Variants in SHC4 observed in about 807,000 individuals in gnomAD.
SHC4 encodes the protein SHC-transforming protein 4.
A neutral mutation model predicts 69.4 loss-of-function variants in SHC4; 41 were observed. The ratio of observed to expected loss-of-function variants is 0.59; its 90% CI spans 0.46 to 0.77. SHC4 has a LOEUF of 0.77. Ranked by LOEUF, SHC4 falls within the 30% of genes least tolerant of loss-of-function variation. The probability of loss-of-function intolerance (pLI) is 0.00; values close to 1 mark genes in which losing one functional copy is unlikely to be tolerated. For missense variants in SHC4, 777 were observed against 783.8 expected, an observed-to-expected ratio of 0.99 and a Z score of 0.10; for synonymous variants, 318 against 299.3, an observed-to-expected ratio of 1.06 and a Z score of -0.64.
intron 1 of SHC4, among the ~76,000 whole-genome samples, chr15:48,943,917 G>C (rs565171302): frequency 6.6e-6 from 1 of 152,112 alleles, no homozygotes; most frequent in Non-Finnish European, 1.5e-5. Context: ...TTCCAGGGAA[G>C]CTGAGAAATG....
chr15:48,878,797 T>C, intron 4 of SHC4: 1 of 1,490,496 alleles, frequency 6.7e-7, no homozygotes. Flanking sequence ...CTTTCCGCTA[T>C]CTTTTGGGTT....
intron 11 of SHC4, among the ~76,000 whole-genome samples, chr15:48,833,192 C>T (rs1037847639): frequency 6.6e-6 from 1 of 152,290 alleles, no homozygotes; most frequent in African/African-American, 2.4e-5. Context: ...ATCACACCAA[C>T]CAGCCCAAAT....
At chr15:48,849,535 G>A (rs1899166618) in intron 9 of SHC4, among the ~76,000 whole-genome samples, 1 of 152,166 alleles carries the variant, frequency 6.6e-6, no homozygotes, top group African/African-American at 2.4e-5. Flanking sequence ...CCTGACCCAT[G>A]GGAAGTCTTC....
At chr15:48,951,853 C>A (rs1273224536) in intron 1 of SHC4, among the ~76,000 whole-genome samples, 1 of 152,194 alleles carries the variant, frequency 6.6e-6, no homozygotes, top group Non-Finnish European at 1.5e-5. Context: ...TATAACCTAA[C>A]ATTTATTACA....
At chr15:48,901,294 C>G (rs760580670) in intron 2 of SHC4, among the ~76,000 whole-genome samples, 24 of 152,160 alleles carry the variant, frequency 1.6e-4, no homozygotes, top group African/African-American at 5.3e-4. Context: ...CAGTTATTAG[C>G]TTGTGCATGG....
chr15:48,961,877 C>G (rs1182483636), intron 1 of SHC4, among the ~76,000 whole-genome samples: 2 of 152,162 alleles, frequency 1.3e-5, no homozygotes, highest in Non-Finnish European at 2.9e-5. Flanking sequence ...TAAATGTGCA[C>G]CGGAGAGCTA....
chr15:48,911,012 A>G (rs906074092), intron 2 of SHC4, among the ~76,000 whole-genome samples: 5 of 152,090 alleles, frequency 3.3e-5, no homozygotes, highest in African/African-American at 1.2e-4. Context: ...AGAAAATTCC[A>G]TGTGCTGTTG....
At chr15:48,873,011 C>A (rs536692481) in intron 4 of SHC4, among the ~76,000 whole-genome samples, 6 of 152,234 alleles carry the variant, frequency 3.9e-5, no homozygotes, top group African/African-American at 1.4e-4. Context: ...AGACGTATAT[C>A]CAACACAATT....
chr15:48,955,249 C>T (rs1382572554), intron 1 of SHC4, among the ~76,000 whole-genome samples: 1 of 152,174 alleles, frequency 6.6e-6, no homozygotes, highest in Non-Finnish European at 1.5e-5. Context: ...AATGTCTTCA[C>T]ATTCCAATAC....
At chr15:48,884,722 A>C (rs1051788473) in intron 3 of SHC4, among the ~76,000 whole-genome samples, 2 of 152,142 alleles carry the variant, frequency 1.3e-5, no homozygotes, top group African/African-American at 4.8e-5. Context: ...AAAAAAGAAA[A>C]ATTTGACAAT....
intron 1 of SHC4, among the ~76,000 whole-genome samples, chr15:48,961,806 T>C (rs944762371): frequency 1.3e-5 from 2 of 152,214 alleles, no homozygotes; most frequent in African/African-American, 4.8e-5. Context: ...AGTAAGGACC[T>C]TGATTTTGCC....
At chr15:48,854,992 C>T (rs7172098) in intron 8 of SHC4, among the ~76,000 whole-genome samples, 24,862 of 151,934 alleles carry the variant, frequency 0.16, 2,320 homozygotes, top group East Asian at 0.29. Flanking sequence ...TACACATGTA[C>T]ACAAAGAAGT....
intron 10 of SHC4, among the ~76,000 whole-genome samples, chr15:48,840,039 AT>A (rs1319199545): frequency 1.3e-5 from 2 of 152,192 alleles, no homozygotes; most frequent in Non-Finnish European, 2.9e-5. Context: ...TTAAAGAAAT[AT>A]ATATGTGCTC....
At chr15:48,920,143 T>A (rs1900721210) in intron 2 of SHC4, among the ~76,000 whole-genome samples, 1 of 151,628 alleles carries the variant, frequency 6.6e-6, no homozygotes, top group East Asian at 1.9e-4. Context: ...GCCTCCTGAG[T>A]AGCTGGGACT....
Position 48,963,003 on chromosome 15 carries a change from C to G in SHC4, c.13G>C (p.Gly5Arg), listed in dbSNP as rs1266301554. The G allele has an allele frequency of 6.2e-7, 1 of 1,607,124 alleles. No homozygotes were observed. The highest frequency in any genetic ancestry group is 8.5e-7 in the Non-Finnish European group (1 of 1,176,310). MRER[G>R]QDSLAGLVLY... ...ACGAGTCCTGCCAGGCTGTCCTGGC[C>G]GCGTTCTCGCATAGCCTTGGCAGTG... Residue 5 changes from glycine to arginine, a missense_variant, in exon 1 of 12, where the codon GGC becomes CGC. Gly to Arg is a moderately radical substitution (Grantham distance 125). Coordinates refer to ENST00000332408, the MANE Select transcript of SHC4 (RefSeq NM_203349.4).
chr15:48,926,843 G>T (rs1489072141), intron 1 of SHC4, among the ~76,000 whole-genome samples: 1 of 152,214 alleles, frequency 6.6e-6, no homozygotes, highest in East Asian at 1.9e-4. Context: ...GTGCTGGGAA[G>T]AGCATGCTGG....
intron 11 of SHC4, among the ~76,000 whole-genome samples, chr15:48,834,226 G>T (rs1302111752): frequency 6.6e-6 from 1 of 152,020 alleles, no homozygotes; most frequent in South Asian, 2.1e-4. Flanking sequence ...TGCACCTATG[G>T]TTCCTTCTCT....
chr15:48,931,928 G>C (rs1291619589), intron 1 of SHC4, among the ~76,000 whole-genome samples: 1 of 151,730 alleles, frequency 6.6e-6, no homozygotes, highest in Non-Finnish European at 1.5e-5. Flanking sequence ...CCCAGAGAAA[G>C]AGTATCTCTC....
At chr15:48,941,509 A>G (rs1479751853) in intron 1 of SHC4, among the ~76,000 whole-genome samples, 2 of 152,130 alleles carry the variant, frequency 1.3e-5, no homozygotes, top group African/African-American at 2.4e-5. Flanking sequence ...TAAGAGTAGA[A>G]CAGATTTGAG....
Sources: allele counts gnomAD v4.1 joint callset (sites outside exome capture counted in the v4.1 genomes callset), GRCh38; gene constraint gnomAD v4.1.1; transcripts MANE v1.5; gene names NCBI Gene and HGNC (gene_info 2026-07-23, HGNC 2026-07-21).